Variants in WWOX observed in about 807,000 individuals in gnomAD.
WWOX encodes the protein WW domain containing oxidoreductase.
A neutral mutation model predicts 46.2 loss-of-function variants in WWOX; 69 were observed. The ratio of observed to expected loss-of-function variants is 1.49; its 90% CI spans 1.23 to 1.82. The LOEUF (loss-of-function observed/expected upper bound fraction) is 1.82. WWOX is among the 40% of genes most tolerant of loss of function. The probability of loss-of-function intolerance (pLI) is 0.00; values close to 1 mark genes in which losing one functional copy is unlikely to be tolerated. For missense variants in WWOX, 919 were observed against 542.6 expected, an observed-to-expected ratio of 1.69 and a Z score of -6.89; for synonymous variants, 359 against 202.6, an observed-to-expected ratio of 1.77 and a Z score of -6.56.
At chr16:79,147,082 A>C (rs2050195579) in intron 8 of WWOX, among the ~76,000 whole-genome samples, 1 of 152,142 alleles carries the variant, frequency 6.6e-6, no homozygotes, top group Non-Finnish European at 1.5e-5. Flanking sequence ...CAGATTTCTC[A>C]TTTTACCTGT....
chr16:79,155,218 A>T (rs1470338844), intron 8 of WWOX, among the ~76,000 whole-genome samples: 1 of 152,138 alleles, frequency 6.6e-6, no homozygotes, highest in Non-Finnish European at 1.5e-5. Flanking sequence ...TCTCCTAAAA[A>T]TACAAAAATT....
chr16:78,905,703 A>AGGAT (rs759787894), intron 8 of WWOX, among the ~76,000 whole-genome samples: 23 of 152,228 alleles, frequency 1.5e-4, no homozygotes, highest in Non-Finnish European at 3.2e-4. Flanking sequence ...CATTAATAAA[A>AGGAT]GGATGGACCA....
intron 8 of WWOX, among the ~76,000 whole-genome samples, chr16:78,579,100 G>A (rs905410227): frequency 1.3e-5 from 2 of 151,876 alleles, no homozygotes; most frequent in African/African-American, 2.4e-5. Context: ...TTGGTCTCTC[G>A]TCTTTGGCTG....
chr16:78,769,530 A>ATTAT (rs141334504), intron 8 of WWOX, among the ~76,000 whole-genome samples: 12 of 103,952 alleles, frequency 1.2e-4, no homozygotes, highest in African/African-American at 3.1e-4. Flanking sequence ...CACCCCCCAC[A>ATTAT]TTATTTATTT....
At chr16:78,800,982 A>C (rs888743225) in intron 8 of WWOX, among the ~76,000 whole-genome samples, 1 of 152,060 alleles carries the variant, frequency 6.6e-6, no homozygotes, top group Admixed American at 6.5e-5. Context: ...AATGCAAACT[A>C]TCACCCCATG....
At chr16:78,441,482 G>A (rs1425689881) in intron 8 of WWOX, among the ~76,000 whole-genome samples, 1 of 152,166 alleles carries the variant, frequency 6.6e-6, no homozygotes, top group African/African-American at 2.4e-5. Flanking sequence ...GAGTCACACA[G>A]CAAGCCCCCA....
At chr16:78,538,874 T>A (rs562566758) in intron 8 of WWOX, among the ~76,000 whole-genome samples, 1 of 152,338 alleles carries the variant, frequency 6.6e-6, no homozygotes, top group South Asian at 2.1e-4. Flanking sequence ...GAATAGTACC[T>A]ATGAGATGCA....
intron 5 of WWOX, among the ~76,000 whole-genome samples, chr16:78,336,474 C>G (rs554724618): frequency 7.5e-6 from 1 of 133,838 alleles, no homozygotes; most frequent in South Asian, 2.4e-4. Context: ...CCACTGCACT[C>G]TAGCCTGAAC....
chr16:78,160,518 G>A (rs756181606), intron 4 of WWOX, among the ~76,000 whole-genome samples: 12 of 152,084 alleles, frequency 7.9e-5, no homozygotes, highest in African/African-American at 1.2e-4. Context: ...TGTAATTACC[G>A]AGTTTAAAAT....
chr16:78,466,574 A>C lies in WWOX; in HGVS notation c.1056+33822A>C, dbSNP rs2084083445. ...GCTGCGTGCAGTGGCTCACACCTGT[A>C]ATCCCAGCACTTTGGGAGGCTGAGG... On this transcript the variant is annotated intron_variant, in intron 8 of 8. Transcript: ENST00000566780. 5.3e-5 allele frequency among the ~76,000 whole-genome samples: 8 copies of C among 152,220 alleles called. No individual in the cohort carries two copies. The South Asian group carries it at 1.7e-3, about 32-fold the overall frequency.
chr16:78,455,770 G>A (rs2083802662), intron 8 of WWOX, among the ~76,000 whole-genome samples: 1 of 146,044 alleles, frequency 6.8e-6, no homozygotes, highest in South Asian at 2.2e-4. Context: ...AATTTGTAAT[G>A]ATGCCTGGGG....
intron 8 of WWOX, among the ~76,000 whole-genome samples, chr16:78,862,280 G>T (rs2043905068): frequency 6.6e-6 from 1 of 151,332 alleles, no homozygotes; most frequent in Non-Finnish European, 1.5e-5. Context: ...ACACCTATGG[G>T]TGTGTCTTTC....
chr16:78,879,819 G>A (rs772792175), intron 8 of WWOX, among the ~76,000 whole-genome samples: 22 of 151,800 alleles, frequency 1.4e-4, no homozygotes, highest in Non-Finnish European at 3.2e-4. Flanking sequence ...AGAGGTTGCC[G>A]TGAGCTGAGA....
chr16:78,907,557 C>T (rs994749459), intron 8 of WWOX, among the ~76,000 whole-genome samples: 3 of 152,058 alleles, frequency 2.0e-5, no homozygotes, highest in Admixed American at 6.5e-5. Flanking sequence ...TTAGCTTGGC[C>T]CAAGCCCAGG....
Position 78,631,804 on chromosome 16 carries a change from G to C in WWOX, c.1056+199052G>C, listed in dbSNP as rs189910483. On this transcript the variant is annotated intron_variant, in intron 8 of 8. Transcript: ENST00000566780. ...GTCTCCCAAAGTGTTGGGATTATAG[G>C]TGTGAACCACCATACCCAGCCAAAA... is the stretch of plus-strand genomic sequence containing the variant. Among the ~76,000 whole-genome samples, 986 of 152,242 alleles carry C rather than the reference G, an allele frequency of 6.5e-3. 7 individuals are homozygous for C. Among genetic ancestry groups the C allele is most frequent in the Non-Finnish European group, 0.012 (824 of 68,020 alleles).
chr16:78,908,131 A>G (rs186356378), intron 8 of WWOX, among the ~76,000 whole-genome samples: 8 of 152,294 alleles, frequency 5.3e-5, no homozygotes, highest in Admixed American at 2.6e-4. Context: ...CCAGGATTCT[A>G]TGGCCAAGTG....
At chr16:78,513,471 T>G (rs938156926) in intron 8 of WWOX, among the ~76,000 whole-genome samples, 6 of 152,162 alleles carry the variant, frequency 3.9e-5, no homozygotes, top group Admixed American at 3.3e-4. Flanking sequence ...ATGGGTAGAG[T>G]TTGCTTTAGC....
At chr16:78,686,272 G>A (rs1056013299) in intron 8 of WWOX, among the ~76,000 whole-genome samples, 3 of 152,178 alleles carry the variant, frequency 2.0e-5, no homozygotes, top group Non-Finnish European at 4.4e-5. Flanking sequence ...AGGACTTTGG[G>A]AGGCCGAGGC....
At chr16:78,430,505 C>G (rs1022866966) in intron 7 of WWOX, among the ~76,000 whole-genome samples, 2 of 152,134 alleles carry the variant, frequency 1.3e-5, no homozygotes, top group Admixed American at 6.5e-5. Flanking sequence ...CTGGGGCATT[C>G]TTCATTGAGC....
Sources: gnomAD v4.1 joint callset for allele counts (sites outside exome capture counted in the v4.1 genomes callset) on GRCh38, gnomAD v4.1.1 for gene constraint, MANE v1.5 for transcripts, NCBI Gene and HGNC (gene_info 2026-07-23, HGNC 2026-07-21) for gene names.